Variants in FAM168A observed in about 807,000 individuals in gnomAD.
FAM168A encodes protein FAM168A.
FAM168A carries 3 observed loss-of-function variants against 28.5 expected under a neutral mutation model. The observed-to-expected ratio is 0.11, with a 90% CI of 0.05 to 0.27. FAM168A has a LOEUF of 0.27. Ranked by LOEUF, FAM168A falls within the 10% of genes least tolerant of loss-of-function variation. FAM168A has a pLI of 1.00. For synonymous variants in FAM168A, 122 were observed against 124.2 expected (o/e 0.98, Z 0.12); for missense variants, 222 against 311.5 (o/e 0.71, Z 2.16).
intron 1 of FAM168A, among the ~76,000 whole-genome samples, chr11:73,564,343 A>T (rs1206422458): frequency 6.6e-6 from 1 of 152,178 alleles, no homozygotes; most frequent in Non-Finnish European, 1.5e-5. Flanking sequence ...CTACAGAAGC[A>T]AACTACAAAT....
intron 1 of FAM168A, among the ~76,000 whole-genome samples, chr11:73,567,546 C>T (rs1348307181): frequency 3.3e-5 from 5 of 152,162 alleles, no homozygotes; most frequent in African/African-American, 4.8e-5. Flanking sequence ...CTAATAGTAT[C>T]CATTTTCCCT....
chr11:73,458,375 G>A lies in FAM168A; in HGVS notation c.70+10030C>T, dbSNP rs74393865. ...AGCTCAGTGGTAGAGTGGGTGCTTC[G>A]CATGTAAATCAGTCACAAGCAAACA... On this transcript the variant is annotated intron_variant, in intron 2 of 7. Transcript: ENST00000356467. Among the ~76,000 whole-genome samples, 726 of 152,222 alleles carry A rather than the reference G, an allele frequency of 4.8e-3. 7 individuals are homozygous for A. Among genetic ancestry groups the A allele is most frequent in the African/African-American group, 0.017 (698 of 41,518 alleles).
At chr11:73,475,053 T>C (rs1718830786) in intron 1 of FAM168A, among the ~76,000 whole-genome samples, 1 of 152,156 alleles carries the variant, frequency 6.6e-6, no homozygotes, top group South Asian at 2.1e-4. Context: ...ACTTCTAGAT[T>C]CCTACCCACT....
At chr11:73,483,655 A>C (rs1590808079) in intron 1 of FAM168A, among the ~76,000 whole-genome samples, 1 of 152,186 alleles carries the variant, frequency 6.6e-6, no homozygotes, top group East Asian at 1.9e-4. Context: ...ATAGGAAAAT[A>C]TTTTGCAGTC....
chr11:73,522,275 CAG>C (rs1555031919), intron 1 of FAM168A, among the ~76,000 whole-genome samples: 1 of 151,088 alleles, frequency 6.6e-6, no homozygotes, highest in Non-Finnish European at 1.5e-5. Flanking sequence ...TTTATTAACA[CAG>C]AATCAGCTAC....
At chr11:73,504,191 A>G (rs2134628308) in intron 1 of FAM168A, among the ~76,000 whole-genome samples, 1 of 152,356 alleles carries the variant, frequency 6.6e-6, no homozygotes, top group African/African-American at 2.4e-5. Flanking sequence ...GCACAGCAAA[A>G]GAAACTATCA....
chr11:73,569,427 A>G (rs567600155), intron 1 of FAM168A, among the ~76,000 whole-genome samples: 1 of 152,344 alleles, frequency 6.6e-6, no homozygotes, highest in East Asian at 1.9e-4. Context: ...GATTTGAGAA[A>G]GAAAGACGCA....
At chr11:73,510,145 A>G (rs2134635876) in intron 1 of FAM168A, among the ~76,000 whole-genome samples, 1 of 152,206 alleles carries the variant, frequency 6.6e-6, no homozygotes, top group African/African-American at 2.4e-5. Flanking sequence ...TCAGATTCAG[A>G]ATATCTGAGT....
At chr11:73,409,190 C>T (rs1407656488) in intron 6 of FAM168A, among the ~76,000 whole-genome samples, 1 of 152,168 alleles carries the variant, frequency 6.6e-6, no homozygotes, top group Admixed American at 6.5e-5. Flanking sequence ...AGGGCCTTGG[C>T]TCCATTCCTC....
intron 4 of FAM168A, among the ~76,000 whole-genome samples, chr11:73,417,010 G>T (rs1253217153): frequency 6.6e-6 from 1 of 152,144 alleles, no homozygotes; most frequent in East Asian, 1.9e-4. Flanking sequence ...TGTCTGGGAG[G>T]GAACAGTGGG....
chr11:73,591,506 C>G (rs543539863), intron 1 of FAM168A, among the ~76,000 whole-genome samples: 1 of 152,254 alleles, frequency 6.6e-6, no homozygotes, highest in South Asian at 2.1e-4. Context: ...ACAAATTACC[C>G]TCTTGAATCT....
At chr11:73,496,877 A>T (rs1461685115) in intron 1 of FAM168A, among the ~76,000 whole-genome samples, 1 of 137,954 alleles carries the variant, frequency 7.2e-6, no homozygotes. Flanking sequence ...TTCTTATCAC[A>T]CACACACACA....
At chr11:73,448,846 T>C (rs80282399) in intron 2 of FAM168A, among the ~76,000 whole-genome samples, 1 of 152,216 alleles carries the variant, frequency 6.6e-6, no homozygotes, top group African/African-American at 2.4e-5. Flanking sequence ...ACCTAATAAA[T>C]CAATGTCACC....
chr11:73,539,705 T>G (rs1196635225), intron 1 of FAM168A, among the ~76,000 whole-genome samples: 4 of 152,254 alleles, frequency 2.6e-5, no homozygotes, highest in Non-Finnish European at 5.9e-5. Context: ...CCATCTGTGC[T>G]AGATGCTTCA....
intron 2 of FAM168A, among the ~76,000 whole-genome samples, chr11:73,461,484 GTTGGA>G (rs1867646314): frequency 6.6e-6 from 1 of 152,108 alleles, no homozygotes; most frequent in South Asian, 2.1e-4. Context: ...TAAGAACAGG[GTTGGA>G]TTTGATGGTC....
At chr11:73,561,382 TAA>T (rs934698968) in intron 1 of FAM168A, among the ~76,000 whole-genome samples, 2 of 151,854 alleles carry the variant, frequency 1.3e-5, no homozygotes, top group African/African-American at 4.8e-5. Context: ...CATCTCAAAA[TAA>T]AAAAAGTTAT....
chr11:73,430,483 C>A, intron 3 of FAM168A: 1 of 531,582 alleles, frequency 1.9e-6, no homozygotes, highest in Non-Finnish European at 3.4e-6. Flanking sequence ...CCTTAAGTCC[C>A]AGACAGAGTG....
chr11:73,568,132 T>C (rs1565301778), intron 1 of FAM168A, among the ~76,000 whole-genome samples: 1 of 152,300 alleles, frequency 6.6e-6, no homozygotes, highest in East Asian at 1.9e-4. Context: ...TCCATGAGTA[T>C]ATATGCACAT....
intron 2 of FAM168A, among the ~76,000 whole-genome samples, chr11:73,456,565 C>T (rs1207606990): frequency 6.6e-6 from 1 of 152,194 alleles, no homozygotes; most frequent in Admixed American, 6.5e-5. Flanking sequence ...AAAATCCTTA[C>T]TCGATACTTT....
Sources: gnomAD v4.1 joint callset for allele counts (sites outside exome capture counted in the v4.1 genomes callset) on GRCh38, gnomAD v4.1.1 for gene constraint, MANE v1.5 for transcripts, NCBI Gene and HGNC (gene_info 2026-07-23, HGNC 2026-07-21) for gene names.